Variants in WIPF3 observed in about 807,000 individuals in gnomAD.
WIPF3 encodes WAS/WASL interacting protein family member 3.
Under a neutral mutation model 38.9 loss-of-function variants are expected in WIPF3, and 33 were observed. The ratio of observed to expected loss-of-function variants is 0.85; its 90% confidence interval spans 0.64 to 1.14. The LOEUF (loss-of-function observed/expected upper bound fraction) is 1.14, where lower values mean the gene tolerates loss of function less well. Ranked by LOEUF, WIPF3 falls within the 50% of genes most tolerant of loss-of-function variation. The pLI is 0.00. For missense variants in WIPF3, 711 were observed against 652.5 expected (o/e 1.09, Z -0.98); for synonymous variants, 324 against 269.3 (o/e 1.20, Z -1.99).
At chr7:29,896,033 T>C (rs1013538196) in intron 7 of WIPF3, among the ~76,000 whole-genome samples, 1 of 151,352 alleles carries the variant, frequency 6.6e-6, no homozygotes, top group Non-Finnish European at 1.5e-5. Flanking sequence ...AGACAGAAAA[T>C]AGATTAGTGG....
At chr7:29,904,230 C>T in intron 7 of WIPF3, 56 bp from the exon 8 acceptor site, 1 of 1,550,918 alleles carries the variant, frequency 6.4e-7, no homozygotes, top group Non-Finnish European at 8.9e-7. Flanking sequence ...CTCTGTGAAA[C>T]ATGCACACCC....
intron 1 of WIPF3, among the ~76,000 whole-genome samples, chr7:29,806,933 G>A (rs1385595232): frequency 1.3e-5 from 2 of 151,508 alleles, no homozygotes; most frequent in African/African-American, 4.8e-5. Context: ...CGGGCCGGGC[G>A]GAAACAAACC....
At position 29,834,714 on chromosome 7, in the gene WIPF3, C is replaced by T; in HGVS notation, c.-11C>T. On this transcript the variant is annotated 5_prime_UTR_variant, in exon 2 of 9. Coordinates refer to ENST00000242140, the MANE Select transcript of WIPF3 (RefSeq NM_001080529.3). ...ACCATTCATAAGCAGGAGACATCAA[C>T]ACCGTGACACATGCCAGTGCCACCG... 1 of 1,500,054 alleles carries T rather than the reference C, an allele frequency of 6.7e-7. No homozygotes were observed. The highest frequency in any genetic ancestry group is 1.3e-5 in the South Asian group (1 of 74,114). The allele number at this position is 1,500,054 out of a possible 1,614,324, so 92.9% of individuals were successfully genotyped here.
At chr7:29,888,500 CGT>C (rs756243450) in intron 6 of WIPF3, among the ~76,000 whole-genome samples, 6 of 138,686 alleles carry the variant, frequency 4.3e-5, no homozygotes, top group Non-Finnish European at 8.0e-5. Context: ...TGTGCGTGTG[CGT>C]GTGTGTGCGT....
At chr7:29,907,964 A>G (rs1448067313) in intron 8 of WIPF3, among the ~76,000 whole-genome samples, 3 of 152,242 alleles carry the variant, frequency 2.0e-5, no homozygotes, top group African/African-American at 7.2e-5. Flanking sequence ...CAAAAAAGCT[A>G]TATAGAAAAG....
In WIPF3 at chr7:29,834,809, C is replaced by A; in HGVS notation, c.85C>A (p.Pro29Thr). Residue 29 changes from proline to threonine, a missense_variant, in exon 2 of 9, where the codon CCC (proline) becomes ACC (threonine). Physicochemically the swap from Pro to Thr is conservative, Grantham distance 38 (BLOSUM62 -1). Transcript: ENST00000242140. The part of the protein sequence containing the change: ...GAPPPPPPSA[P>T]PVSTDTSSLR... ...TCCTCCCCCTCCCCCACCATCAGCACCCCCGGTAAGACCTTTTTTTCTGAT... is the reference window on the plus strand; with the variant it reads ...TCCTCCCCCTCCCCCACCATCAGCAACCCCGGTAAGACCTTTTTTTCTGAT... The A allele has an allele frequency of 6.5e-7, 1 of 1,534,958 alleles. No individual in the cohort carries two copies. Among genetic ancestry groups the A allele is most frequent in the Non-Finnish European group, 8.8e-7 (1 of 1,137,710 alleles).
intron 2 of WIPF3, among the ~76,000 whole-genome samples, chr7:29,845,202 C>T (rs576030734): frequency 6.6e-6 from 1 of 152,204 alleles, no homozygotes; most frequent in East Asian, 1.9e-4. Context: ...AAAGAAGATG[C>T]AGTGCAAAGG....
At chr7:29,845,337 G>A (rs1163331230) in intron 2 of WIPF3, among the ~76,000 whole-genome samples, 2 of 152,212 alleles carry the variant, frequency 1.3e-5, no homozygotes, top group African/African-American at 2.4e-5. Context: ...CTCAGTGACA[G>A]CAGACTGTGT....
At chr7:29,857,974 A>T (rs1480178063) in intron 2 of WIPF3, among the ~76,000 whole-genome samples, 1 of 152,214 alleles carries the variant, frequency 6.6e-6, no homozygotes, top group Non-Finnish European at 1.5e-5. Flanking sequence ...TTGTTACTCA[A>T]AATGAGCAGA....
chr7:29,830,303 C>T (rs1784697483), intron 1 of WIPF3, among the ~76,000 whole-genome samples: 1 of 151,700 alleles, frequency 6.6e-6, no homozygotes, highest in Admixed American at 6.6e-5. Context: ...TTACAGCCAC[C>T]TTTATGGGGT....
chr7:29,865,564 G>A (rs921020692), intron 2 of WIPF3, among the ~76,000 whole-genome samples: 5 of 152,160 alleles, frequency 3.3e-5, no homozygotes, highest in African/African-American at 1.2e-4. Context: ...TGCAGACAGG[G>A]AAGGAAAGGC....
chr7:29,864,733 C>T (rs1583608779), intron 2 of WIPF3, among the ~76,000 whole-genome samples: 1 of 152,116 alleles, frequency 6.6e-6, no homozygotes, highest in Admixed American at 6.5e-5. Flanking sequence ...ATTTCAGATT[C>T]TCTATTTTTA....
At chr7:29,881,908 G>A (rs740145) in intron 4 of WIPF3, among the ~76,000 whole-genome samples, 5 of 152,256 alleles carry the variant, frequency 3.3e-5, no homozygotes, top group African/African-American at 7.2e-5. Context: ...TCTAGGGCTC[G>A]GGTTTCCATT....
chr7:29,831,719 G>A (rs986093483), intron 1 of WIPF3, among the ~76,000 whole-genome samples: 15 of 152,164 alleles, frequency 9.9e-5, no homozygotes, highest in South Asian at 2.1e-4. Context: ...TCAGGGACCC[G>A]GACTCCTTTC....
chr7:29,888,039 T>C, intron 5 of WIPF3, 29 bp from the exon 6 acceptor site: 1 of 1,613,520 alleles, frequency 6.2e-7, no homozygotes, highest in Non-Finnish European at 8.5e-7. Flanking sequence ...CATCCGTGTT[T>C]CTGAGTACAC....
chr7:29,900,271 A>G (rs1337521603), intron 7 of WIPF3, among the ~76,000 whole-genome samples: 2 of 152,218 alleles, frequency 1.3e-5, no homozygotes, highest in East Asian at 3.8e-4. Context: ...TTATCGCTCA[A>G]TGGTGAAAGT....
chr7:29,903,128 A>T lies in WIPF3; in HGVS notation c.1352-1158A>T, dbSNP rs931041357. Among the ~76,000 whole-genome samples the T allele has an allele frequency of 5.3e-5, 8 of 152,028 alleles. 1 individual carries two copies. In the South Asian group the frequency reaches 1.7e-3, roughly 32 times the overall value. ...GGAAACATAGTGAGACCCTGTCTCTACAAAAAATTTTAAAAGTTAGCTGAA... is the reference window on the plus strand; with the variant it reads ...GGAAACATAGTGAGACCCTGTCTCTTCAAAAAATTTTAAAAGTTAGCTGAA... On this transcript the variant is annotated intron_variant, in intron 7 of 8. Transcript: ENST00000242140.
At chr7:29,877,104 C>T (rs1035517761) in intron 3 of WIPF3, among the ~76,000 whole-genome samples, 5 of 152,174 alleles carry the variant, frequency 3.3e-5, no homozygotes, top group African/African-American at 1.2e-4. Context: ...AGAAAATGTG[C>T]CTCCAGGTGA....
intron 8 of WIPF3, among the ~76,000 whole-genome samples, chr7:29,906,466 C>T (rs1224400661): frequency 6.6e-6 from 1 of 151,806 alleles, no homozygotes; most frequent in African/African-American, 2.4e-5. Flanking sequence ...GAAGATAGGA[C>T]AACTGAAATT....
Sources: allele counts gnomAD v4.1 joint callset (sites outside exome capture counted in the v4.1 genomes callset), GRCh38; gene constraint gnomAD v4.1.1; transcripts MANE v1.5; gene names NCBI Gene and HGNC (gene_info 2026-07-23, HGNC 2026-07-21).